The following C13orf42 variants were observed in gnomAD, a reference collection of about 807,000 sequenced individuals.
The protein encoded by C13orf42 is chromosome 13 open reading frame 42, also known as uncharacterized protein C13orf42.
At chr13:51,147,472 G>T (rs933545282) in intron 1 of C13orf42, among the ~76,000 whole-genome samples, 1 of 152,190 alleles carries the variant, frequency 6.6e-6, no homozygotes, top group Non-Finnish European at 1.5e-5. Context: ...GCTCATGCCT[G>T]TAATCCCAGT....
At chr13:51,130,865 AT>A (rs199662891) in intron 1 of C13orf42, among the ~76,000 whole-genome samples, 4 of 76,224 alleles carry the variant, frequency 5.2e-5, no homozygotes, top group African/African-American at 1.2e-4. Context: ...AAAAAAAAAT[AT>A]ATATATATAT....
chr13:51,145,926 T>C (rs746909702), intron 1 of C13orf42, among the ~76,000 whole-genome samples: 11 of 152,242 alleles, frequency 7.2e-5, no homozygotes, highest in Admixed American at 6.5e-5. Flanking sequence ...CAGGACTTCC[T>C]GAGGCTGTGT....
At chr13:51,127,602 T>G (rs1953586926) in intron 1 of C13orf42, among the ~76,000 whole-genome samples, 1 of 152,226 alleles carries the variant, frequency 6.6e-6, no homozygotes, top group South Asian at 2.1e-4. Context: ...TTCCATGAAA[T>G]CTAGGTGGTG....
chr13:51,127,632 A>AT (rs1207438588), intron 1 of C13orf42, among the ~76,000 whole-genome samples: 2 of 152,234 alleles, frequency 1.3e-5, no homozygotes, highest in African/African-American at 4.8e-5. Context: ...GGTGTCCAAT[A>AT]TATTACTTCC....
chr13:51,097,055 T>C (rs1376213734), intron 1 of C13orf42, among the ~76,000 whole-genome samples: 7 of 152,376 alleles, frequency 4.6e-5, no homozygotes, highest in Admixed American at 4.6e-4. Flanking sequence ...TACTGCTTTC[T>C]TCACTCAACG....
intron 1 of C13orf42, among the ~76,000 whole-genome samples, chr13:51,150,026 C>T (rs1953767270): frequency 6.6e-6 from 1 of 152,134 alleles, no homozygotes; most frequent in Admixed American, 6.5e-5. Flanking sequence ...TAAACTCAGA[C>T]CTTTGTATTT....
At chr13:51,102,509 T>C (rs1222020132) in intron 1 of C13orf42, among the ~76,000 whole-genome samples, 1 of 152,182 alleles carries the variant, frequency 6.6e-6, no homozygotes, top group Non-Finnish European at 1.5e-5. Context: ...AATCAATCAC[T>C]TTTGACAGGT....
chr13:51,100,273 G>A (rs17075318), intron 1 of C13orf42, among the ~76,000 whole-genome samples: 5,042 of 152,118 alleles, frequency 0.033, 252 homozygotes, highest in African/African-American at 0.11. Context: ...AGCAACGGAA[G>A]AAATTACAGA....
At chr13:51,153,627 T>TGTTTTTTG (rs1953800598) in intron 1 of C13orf42, among the ~76,000 whole-genome samples, 1 of 142,560 alleles carries the variant, frequency 7.0e-6, no homozygotes. Flanking sequence ...TTCTGTTTTT[T>TGTTTTTTG]TTCTTTTTTT....
At chr13:51,114,263 T>G (rs1158044152), upstream of C13orf42, among the ~76,000 whole-genome samples, 1 of 152,168 alleles carries the variant, frequency 6.6e-6, no homozygotes, top group African/African-American at 2.4e-5. Flanking sequence ...CCTACCAGCT[T>G]AAGAAAGTTA....
At chr13:51,140,135 GA>G (rs1953685209) in intron 1 of C13orf42, among the ~76,000 whole-genome samples, 1 of 152,276 alleles carries the variant, frequency 6.6e-6, no homozygotes, top group South Asian at 2.1e-4. Flanking sequence ...GCCTCCTTTG[GA>G]AAGACTAATC....
At chr13:51,131,486 T>G (rs888325675) in intron 1 of C13orf42, among the ~76,000 whole-genome samples, 2 of 152,170 alleles carry the variant, frequency 1.3e-5, no homozygotes, top group African/African-American at 4.8e-5. Flanking sequence ...AGAATGTCAC[T>G]TTCTAACAGG....
At chr13:51,168,109 T>C (rs1953916377) in intron 1 of C13orf42, among the ~76,000 whole-genome samples, 1 of 152,190 alleles carries the variant, frequency 6.6e-6, no homozygotes, top group Non-Finnish European at 1.5e-5. Flanking sequence ...AAAGGGACAC[T>C]TCATTGTTGA....
intron 1 of C13orf42, among the ~76,000 whole-genome samples, chr13:51,150,457 T>C (rs1159118134): frequency 6.6e-6 from 1 of 152,202 alleles, no homozygotes; most frequent in Non-Finnish European, 1.5e-5. Flanking sequence ...AGGGAGGCTT[T>C]AAGAAAGTTG....
chr13:51,120,471 G>C (rs1953525945), intron 1 of C13orf42, among the ~76,000 whole-genome samples: 2 of 152,192 alleles, frequency 1.3e-5, no homozygotes, highest in Non-Finnish European at 2.9e-5. Context: ...TAGATATGTA[G>C]TGGGAGCTTT....
At chr13:51,114,687 CA>C (rs1032454811), upstream of C13orf42, among the ~76,000 whole-genome samples, 1 of 141,706 alleles carries the variant, frequency 7.1e-6, no homozygotes, top group Non-Finnish European at 1.5e-5. Flanking sequence ...GACAGACAGA[CA>C]GACAGACAGC....
intron 1 of C13orf42, among the ~76,000 whole-genome samples, chr13:51,142,519 GTTAAA>G (rs1305658820): frequency 6.6e-6 from 1 of 150,378 alleles, no homozygotes. Flanking sequence ...AGAATAGAAA[GTTAAA>G]TTAAATTAAT....
chr13:51,169,115 T>A (rs1953925240), intron 1 of C13orf42, among the ~76,000 whole-genome samples: 1 of 152,154 alleles, frequency 6.6e-6, no homozygotes, highest in African/African-American at 2.4e-5. Flanking sequence ...TATCTGCAAA[T>A]GTGGAAACAA....
chr13:51,090,861 G>A (rs572468269), intron 1 of C13orf42, among the ~76,000 whole-genome samples: 4 of 152,280 alleles, frequency 2.6e-5, no homozygotes, highest in South Asian at 2.1e-4. Context: ...ATCCTCTGAG[G>A]ATAACATTTA....
Sources: allele counts gnomAD v4.1 joint callset (sites outside exome capture counted in the v4.1 genomes callset), GRCh38; gene constraint gnomAD v4.1.1; transcripts MANE v1.5; gene names NCBI Gene and HGNC (gene_info 2026-07-23, HGNC 2026-07-21).